Variants in TANC1 observed in about 807,000 individuals in gnomAD.
The protein encoded by TANC1 is tetratricopeptide repeat, ankyrin repeat and coiled-coil containing 1.
Under a neutral mutation model 149.7 loss-of-function variants are expected in TANC1, and 77 were observed. That is an observed-to-expected ratio of 0.51 (90% CI 0.43 to 0.62). The LOEUF (loss-of-function observed/expected upper bound fraction) is 0.62, where lower values mean the gene tolerates loss of function less well. Among genes scored for constraint, TANC1 ranks in the 20% least tolerant of loss-of-function variants. The pLI is 0.00. For synonymous variants in TANC1, 854 were observed against 925.0 expected, an observed-to-expected ratio of 0.92 and a Z score of 1.39; for missense variants, 1,985 against 2,321.8, an observed-to-expected ratio of 0.85 and a Z score of 2.98.
chr2:159,035,364 A>T (rs1307668448), intron 2 of TANC1, among the ~76,000 whole-genome samples: 1 of 152,166 alleles, frequency 6.6e-6, no homozygotes, highest in Non-Finnish European at 1.5e-5. Flanking sequence ...ACATGAGAAT[A>T]TTTTGTGGTG....
chr2:159,204,699 G>A (rs985122117), intron 19 of TANC1, among the ~76,000 whole-genome samples: 12 of 152,336 alleles, frequency 7.9e-5, no homozygotes, highest in East Asian at 3.9e-4. Context: ...ATGCCCTATC[G>A]GAGTTGGTTA....
intron 2 of TANC1, among the ~76,000 whole-genome samples, chr2:159,060,641 G>A (rs777780204): frequency 6.6e-6 from 1 of 152,196 alleles, no homozygotes; most frequent in Non-Finnish European, 1.5e-5. Context: ...CTGAGAACAG[G>A]GTGGGTGCGA....
chr2:159,204,791 G>T (rs866700546), intron 19 of TANC1, among the ~76,000 whole-genome samples: 1 of 152,232 alleles, frequency 6.6e-6, no homozygotes, highest in Admixed American at 6.5e-5. Flanking sequence ...TTCTAAAGGA[G>T]TTTAGTCAGG....
intron 4 of TANC1, among the ~76,000 whole-genome samples, chr2:159,125,389 C>T (rs1299676336): frequency 1.3e-5 from 2 of 152,198 alleles, no homozygotes; most frequent in Admixed American, 1.3e-4. Flanking sequence ...TATTATCTCA[C>T]AATTCTTTAG....
rs116453364 is a variant in TANC1 at position 158,976,423 on chromosome 2, A to G, written c.-126+7641A>G. Among the ~76,000 whole-genome samples the G allele has an allele frequency of 5.5e-3, 843 of 152,304 alleles. 13 individuals carry two copies. The highest frequency in any genetic ancestry group is 0.019 in the African/African-American group (796 of 41,560). On this transcript the variant is annotated intron_variant, in intron 1 of 26. Coordinates refer to ENST00000263635, the MANE Select transcript of TANC1 (RefSeq NM_033394.3). Reference sequence around the variant, plus strand: ...ATCTAAATACATTTATGGCTAGATTATCTGGTTTTAACTAAACTGACCCCC... The same window carrying G: ...ATCTAAATACATTTATGGCTAGATTGTCTGGTTTTAACTAAACTGACCCCC...
chr2:159,223,760 C>T (rs1047061438), intron 22 of TANC1, among the ~76,000 whole-genome samples: 7 of 152,222 alleles, frequency 4.6e-5, no homozygotes, highest in East Asian at 1.9e-4. Flanking sequence ...GGATTATACT[C>T]GGGTCCATCC....
chr2:159,223,771 G>A (rs200522435), intron 22 of TANC1, among the ~76,000 whole-genome samples: 75 of 152,272 alleles, frequency 4.9e-4, no homozygotes, highest in South Asian at 3.9e-3. Context: ...GGGTCCATCC[G>A]GTCCCAAGCT....
intron 1 of TANC1, among the ~76,000 whole-genome samples, chr2:158,996,951 G>A (rs996843201): frequency 2.0e-5 from 3 of 151,782 alleles, no homozygotes; most frequent in African/African-American, 7.3e-5. Context: ...GTGGGGTGTT[G>A]GGAGTGGGGC....
At chr2:159,199,485 G>T (rs2058091990) in intron 19 of TANC1, among the ~76,000 whole-genome samples, 1 of 152,222 alleles carries the variant, frequency 6.6e-6, no homozygotes, top group African/African-American at 2.4e-5. Flanking sequence ...GCCCTGCCCT[G>T]TACAGAATGA....
chr2:159,121,071 C>T (rs540163477), intron 4 of TANC1, among the ~76,000 whole-genome samples: 18 of 152,170 alleles, frequency 1.2e-4, no homozygotes, highest in Non-Finnish European at 2.2e-4. Context: ...CCACACCTTC[C>T]TAACACAAGG....
At chr2:159,178,088 G>T (rs2056072469) in intron 13 of TANC1, among the ~76,000 whole-genome samples, 1 of 152,248 alleles carries the variant, frequency 6.6e-6, no homozygotes, top group South Asian at 2.1e-4. Context: ...TCCTGATTGG[G>T]TTACACAGCC....
At chr2:159,007,676 C>T (rs2037350038) in intron 2 of TANC1, among the ~76,000 whole-genome samples, 1 of 152,216 alleles carries the variant, frequency 6.6e-6, no homozygotes, top group Admixed American at 6.5e-5. Flanking sequence ...TTTCTCAGAA[C>T]GTATCCTCGT....
At chr2:159,061,577 G>A (rs73969428) in intron 2 of TANC1, among the ~76,000 whole-genome samples, 16,328 of 152,162 alleles carry the variant, frequency 0.11, 891 homozygotes, top group African/African-American at 0.12. Context: ...GTACTTAAGC[G>A]TAAAAATTCA....
chr2:159,222,438 T>G (rs13427690), intron 22 of TANC1, among the ~76,000 whole-genome samples: 13,190 of 146,656 alleles, frequency 0.09, 1,212 homozygotes, highest in East Asian at 0.23. Flanking sequence ...ACTTTGTGAG[T>G]TTTTTTACCC....
chr2:159,218,197 C>A (rs913397242), intron 20 of TANC1, among the ~76,000 whole-genome samples: 45 of 152,296 alleles, frequency 3.0e-4, no homozygotes, highest in African/African-American at 1.1e-3. Context: ...ACACCTAGCA[C>A]CAAGTTACAC....
chr2:159,083,351 C>T (rs1273323007), intron 3 of TANC1, among the ~76,000 whole-genome samples: 3 of 151,780 alleles, frequency 2.0e-5, no homozygotes, highest in African/African-American at 7.3e-5. Context: ...GGGCCTGCCC[C>T]CACCAGCCAT....
rs564509646 is a variant in TANC1 at position 159,105,996 on chromosome 2, G to A, written c.259+8162G>A. ...AAAAAAAAAAAACTGTTTCTGGTTCGTTTTCCATCTAATTAGGTTACAGTG... is the reference window on the plus strand; with the variant it reads ...AAAAAAAAAAAACTGTTTCTGGTTCATTTTCCATCTAATTAGGTTACAGTG... On this transcript the variant is annotated intron_variant, in intron 4 of 26. Transcript: ENST00000263635. Among the ~76,000 whole-genome samples, 11 of 150,984 alleles carry A rather than the reference G, an allele frequency of 7.3e-5. No homozygotes were observed. The South Asian group carries it at 1.0e-3, about 14-fold the overall frequency.
chr2:159,144,337 A>G (rs191117850), intron 5 of TANC1, among the ~76,000 whole-genome samples: 4 of 152,320 alleles, frequency 2.6e-5, no homozygotes, highest in Non-Finnish European at 2.9e-5. Flanking sequence ...ACAACAAATT[A>G]TTGACAGAAA....
At position 159,149,591 on chromosome 2, in the gene TANC1, G is replaced by A. The variant is rs566062347; in HGVS notation, c.495+319G>A. The A allele has an allele frequency of 1.5e-3, 440 of 302,378 alleles. 3 individuals are homozygous for A. Among genetic ancestry groups the A allele is most frequent in the African/African-American group, 8.7e-3 (403 of 46,116 alleles). The allele number at this position is 302,378 out of a possible 1,614,324, so 18.7% of individuals were successfully genotyped here. A position where few individuals can be genotyped will look rare whatever the true frequency, so the allele number is the denominator to read the frequency against. Reference sequence around the variant, plus strand: ...CCAGTACTTTTACCTTTATAGCACCGTTCTTCTCATCTGGTTGCTTTGGTA... The same window carrying A: ...CCAGTACTTTTACCTTTATAGCACCATTCTTCTCATCTGGTTGCTTTGGTA... On this transcript the variant is annotated intron_variant, in intron 6 of 26. Transcript: ENST00000263635.
Sources: gnomAD v4.1 joint callset for allele counts (sites outside exome capture counted in the v4.1 genomes callset) on GRCh38, gnomAD v4.1.1 for gene constraint, MANE v1.5 for transcripts, NCBI Gene and HGNC (gene_info 2026-07-23, HGNC 2026-07-21) for gene names.